Variants in PDZRN4 observed in about 807,000 individuals in gnomAD.
The protein encoded by PDZRN4 is PDZ domain-containing RING finger protein 4.
PDZRN4 carries 70 observed loss-of-function variants against 99.0 expected under a neutral mutation model. That is an observed-to-expected ratio of 0.71 (90% confidence interval 0.58 to 0.86). The LOEUF is 0.86. Among genes scored for constraint, PDZRN4 ranks in the 40% least tolerant of loss-of-function variants. The probability of loss-of-function intolerance (pLI) is 0.00; values close to 1 mark genes in which losing one functional copy is unlikely to be tolerated. For missense variants in PDZRN4, 1,474 were observed against 1,331.2 expected (o/e 1.11, Z -1.67); for synonymous variants, 551 against 501.6 (o/e 1.10, Z -1.32).
At chr12:41,246,269 C>T (rs541648670) in intron 3 of PDZRN4, among the ~76,000 whole-genome samples, 7 of 152,106 alleles carry the variant, frequency 4.6e-5, no homozygotes, top group East Asian at 1.9e-4. Context: ...ATATATTCAT[C>T]GAGGTTTTAA....
intron 3 of PDZRN4, among the ~76,000 whole-genome samples, chr12:41,447,450 T>G (rs1420353834): frequency 6.6e-6 from 1 of 152,130 alleles, no homozygotes; most frequent in Non-Finnish European, 1.5e-5. Context: ...AATAGAGACT[T>G]TTGAATCAAG....
At chr12:41,394,052 G>C (rs1016927548) in intron 3 of PDZRN4, among the ~76,000 whole-genome samples, 2 of 152,160 alleles carry the variant, frequency 1.3e-5, no homozygotes, top group African/African-American at 4.8e-5. Flanking sequence ...TTGTTCAGAG[G>C]CTAGATGTCT....
intron 9 of PDZRN4, among the ~76,000 whole-genome samples, chr12:41,572,124 T>C (rs1424276350): frequency 6.6e-6 from 1 of 152,236 alleles, no homozygotes; most frequent in Non-Finnish European, 1.5e-5. Flanking sequence ...CTGTCTTATT[T>C]ATATCCATGT....
At chr12:41,549,157 T>A (rs1371509045) in intron 5 of PDZRN4, among the ~76,000 whole-genome samples, 2 of 152,152 alleles carry the variant, frequency 1.3e-5, no homozygotes, top group Non-Finnish European at 2.9e-5. Flanking sequence ...TCATGAATTG[T>A]CTCCATGGAG....
At chr12:41,385,977 A>G (rs1031654546) in intron 3 of PDZRN4, among the ~76,000 whole-genome samples, 3 of 152,204 alleles carry the variant, frequency 2.0e-5, no homozygotes, top group African/African-American at 7.2e-5. Context: ...ACAATCAAGT[A>G]GGCTTTATCC....
intron 3 of PDZRN4, among the ~76,000 whole-genome samples, chr12:41,305,562 T>C (rs561043651): frequency 4.6e-5 from 7 of 152,026 alleles, no homozygotes; most frequent in African/African-American, 7.2e-5. Context: ...ATGGCAAAGG[T>C]AGTGAGGGAG....
chr12:41,309,242 A>G (rs1951590187), intron 3 of PDZRN4, among the ~76,000 whole-genome samples: 1 of 152,208 alleles, frequency 6.6e-6, no homozygotes. Flanking sequence ...TATAAACAGA[A>G]TACCATAGAC....
chr12:41,572,555 A>G lies in PDZRN4; in HGVS notation c.1776A>G (p.Gln592=). ...LKSKRDLGQS[Q]DTLGSVELQY... ...GCAAGAGAGACCTGGGGCAGAGCCAAGACACTCTGGGAAGTGTTGAACTTC... is the reference window on the plus strand; with the variant it reads ...GCAAGAGAGACCTGGGGCAGAGCCAGGACACTCTGGGAAGTGTTGAACTTC... The change falls in exon 10 of 10, where the codon CAA becomes CAG. Residue 592 remains glutamine (Q), a synonymous_variant. Coordinates refer to ENST00000402685, the MANE Select transcript of PDZRN4 (RefSeq NM_001164595.2). The G allele has an allele frequency of 1.9e-6, 3 of 1,614,168 alleles. No individual in the cohort carries two copies. The East Asian group carries it at 6.7e-5, about 36-fold the overall frequency.
chr12:41,382,590 A>G (rs748288196), intron 3 of PDZRN4, among the ~76,000 whole-genome samples: 1 of 152,226 alleles, frequency 6.6e-6, no homozygotes, highest in Non-Finnish European at 1.5e-5. Context: ...CTCTCAGGGA[A>G]TAAGTTACTT....
intron 3 of PDZRN4, among the ~76,000 whole-genome samples, chr12:41,416,564 G>A (rs1369670296): frequency 1.3e-5 from 2 of 152,184 alleles, no homozygotes; most frequent in Non-Finnish European, 1.5e-5. Context: ...GGCTGAGGCA[G>A]GAGAATAGCT....
intron 3 of PDZRN4, among the ~76,000 whole-genome samples, chr12:41,211,117 T>C (rs1463523220): frequency 1.3e-5 from 2 of 152,038 alleles, no homozygotes; most frequent in Non-Finnish European, 2.9e-5. Context: ...AAGTTGAAGA[T>C]AAGTTATTTC....
chr12:41,423,478 T>A lies in PDZRN4; in HGVS notation c.844-82978T>A, dbSNP rs184579341. 7.0e-4 allele frequency among the ~76,000 whole-genome samples: 106 copies of A among 152,272 alleles called. 3 individuals carry two copies. The highest frequency in any genetic ancestry group is 2.0e-3 in the African/African-American group (83 of 41,562). ...TGTCTCCGCAAAGGGCATTAACTCA[T>A]CCTTTTTTATGGCTGCATATATCTT... On this transcript the variant is annotated intron_variant, in intron 3 of 9. Transcript: ENST00000402685.
chr12:41,211,022 T>C (rs868345108), intron 3 of PDZRN4, among the ~76,000 whole-genome samples: 2 of 151,896 alleles, frequency 1.3e-5, no homozygotes, highest in South Asian at 2.1e-4. Flanking sequence ...ATAGATAATT[T>C]ATATCTACAC....
chr12:41,521,426 A>C (rs1301278940), intron 5 of PDZRN4, among the ~76,000 whole-genome samples: 1 of 152,124 alleles, frequency 6.6e-6, no homozygotes, highest in East Asian at 1.9e-4. Context: ...TACATTGTAT[A>C]AGATGAATAG....
chr12:41,568,041 T>A (rs1001213105), intron 9 of PDZRN4, 142 bp downstream of exon 9: 1 of 595,184 alleles, frequency 1.7e-6, no homozygotes, highest in African/African-American at 1.9e-5. Context: ...CAAATGATCA[T>A]CTCAAATGAA....
chr12:41,342,735 G>A (rs1951827060), intron 3 of PDZRN4, among the ~76,000 whole-genome samples: 1 of 151,856 alleles, frequency 6.6e-6, no homozygotes, highest in South Asian at 2.1e-4. Context: ...ATGGAGAAAA[G>A]AGAACACTTA....
chr12:41,469,696 C>T (rs1302146438), intron 3 of PDZRN4, among the ~76,000 whole-genome samples: 2 of 152,074 alleles, frequency 1.3e-5, no homozygotes, highest in Non-Finnish European at 2.9e-5. Context: ...CTTTGGGAGG[C>T]CGAGGGGGGC....
At chr12:41,470,835 G>C (rs571068699) in intron 3 of PDZRN4, among the ~76,000 whole-genome samples, 7 of 152,134 alleles carry the variant, frequency 4.6e-5, no homozygotes, top group African/African-American at 1.7e-4. Context: ...GGGGAGCCAG[G>C]AGGTACAGTC....
chr12:41,547,447 GA>G (rs1938975709), intron 5 of PDZRN4, among the ~76,000 whole-genome samples: 1 of 152,022 alleles, frequency 6.6e-6, no homozygotes, highest in African/African-American at 2.4e-5. Context: ...CCAACATGGT[GA>G]AACCCCATCT....
Sources: gnomAD v4.1 joint callset for allele counts (sites outside exome capture counted in the v4.1 genomes callset) on GRCh38, gnomAD v4.1.1 for gene constraint, MANE v1.5 for transcripts, NCBI Gene and HGNC (gene_info 2026-07-23, HGNC 2026-07-21) for gene names.